CFAP54: variants seen among roughly 807,000 people sequenced by gnomAD.
The protein encoded by CFAP54 is cilia and flagella associated protein 54, also known as cilia- and flagella-associated protein 54.
A neutral mutation model predicts 370.4 loss-of-function variants in CFAP54; 290 were observed. The observed-to-expected ratio is 0.78, with a 90% CI of 0.71 to 0.86. CFAP54 has a LOEUF of 0.86. Ranked by LOEUF, CFAP54 falls within the 40% of genes least tolerant of loss-of-function variation. CFAP54 has a pLI of 0.00. For synonymous variants in CFAP54, 1,206 were observed against 1,236.5 expected (o/e 0.98, Z 0.52); for missense variants, 3,399 against 3,528.7 (o/e 0.96, Z 0.93).
At chr12:96,515,540 T>C (rs1955220932) in intron 5 of CFAP54, among the ~76,000 whole-genome samples, 1 of 152,232 alleles carries the variant, frequency 6.6e-6, no homozygotes, top group Admixed American at 6.5e-5. Context: ...GTCCATTTAA[T>C]GGAGACAAGT....
At chr12:96,623,687 T>A (rs1956524143) in intron 27 of CFAP54, 80 bp from the exon 28 acceptor site, 1 of 688,480 alleles carries the variant, frequency 1.5e-6, no homozygotes, top group Admixed American at 2.8e-5. Context: ...TATGAAAACA[T>A]AATTTAAAGA....
intron 32 of CFAP54, among the ~76,000 whole-genome samples, chr12:96,633,897 C>T (rs1029094290): frequency 9.2e-5 from 14 of 152,038 alleles, no homozygotes; most frequent in Admixed American, 9.2e-4. Flanking sequence ...ACATTCCCAT[C>T]AACAGTATAT....
intron 55 of CFAP54, among the ~76,000 whole-genome samples, chr12:96,751,449 A>G (rs891709444): frequency 2.6e-5 from 4 of 152,136 alleles, no homozygotes; most frequent in African/African-American, 9.7e-5. Flanking sequence ...ATATCATACC[A>G]TATCATGTAT....
chr12:96,515,361 T>G, intron 5 of CFAP54, among the ~76,000 whole-genome samples: 1 of 148,904 alleles, frequency 6.7e-6, no homozygotes, highest in Admixed American at 6.8e-5. Context: ...GGATGGGAGG[T>G]GAGGGATGCA....
chr12:96,818,539 C>T (rs940950575), intron 65 of CFAP54, among the ~76,000 whole-genome samples: 1 of 152,178 alleles, frequency 6.6e-6, no homozygotes, highest in African/African-American at 2.4e-5. Context: ...GATTAGTGAA[C>T]TTGGCTTTAG....
chr12:96,620,673 G>C (rs867527611), intron 26 of CFAP54, among the ~76,000 whole-genome samples: 1 of 152,196 alleles, frequency 6.6e-6, no homozygotes, highest in Non-Finnish European at 1.5e-5. Context: ...ACTCCTAGTT[G>C]CCCTAAGGGG....
intron 9 of CFAP54, among the ~76,000 whole-genome samples, chr12:96,528,670 T>A (rs984738177): frequency 3.3e-5 from 5 of 152,196 alleles, no homozygotes; most frequent in African/African-American, 1.2e-4. Context: ...GTTTGCTTTC[T>A]CTCTTATTTC....
At chr12:96,792,087 T>A (rs1386391437) in intron 62 of CFAP54, among the ~76,000 whole-genome samples, 4 of 152,088 alleles carry the variant, frequency 2.6e-5, no homozygotes, top group African/African-American at 9.7e-5. Flanking sequence ...CCTGACCGTG[T>A]GATCCACCTG....
chr12:96,733,841 C>G (rs1009900063), intron 50 of CFAP54, among the ~76,000 whole-genome samples: 1 of 152,222 alleles, frequency 6.6e-6, no homozygotes, highest in African/African-American at 2.4e-5. Flanking sequence ...AACCTCATAC[C>G]TTGTTTCTCT....
intron 59 of CFAP54, 124 bp from the exon 60 acceptor site, chr12:96,764,953 T>G: frequency 1.5e-6 from 1 of 676,158 alleles, no homozygotes; most frequent in Non-Finnish European, 2.2e-6. Flanking sequence ...TTGTCTTTAT[T>G]TTTTCCTCCA....
chr12:96,704,286 A>G (rs1957521886), intron 46 of CFAP54, among the ~76,000 whole-genome samples: 1 of 150,850 alleles, frequency 6.6e-6, no homozygotes, highest in East Asian at 2.0e-4. Flanking sequence ...ATTTAGCTGG[A>G]CGTGGTGGCG....
chr12:96,536,185 A>G (rs376184710), intron 12 of CFAP54, among the ~76,000 whole-genome samples: 3 of 152,318 alleles, frequency 2.0e-5, no homozygotes, highest in East Asian at 3.9e-4. Context: ...CCTCCTACTT[A>G]TAAGTGAGAA....
At chr12:96,516,781 G>A (rs1592826217) in intron 5 of CFAP54, among the ~76,000 whole-genome samples, 1 of 152,172 alleles carries the variant, frequency 6.6e-6, no homozygotes, top group African/African-American at 2.4e-5. Flanking sequence ...GGCTTGAACA[G>A]TTACTGTCAA....
At chr12:96,503,080 TTCTC>T (rs138111630) in intron 2 of CFAP54, among the ~76,000 whole-genome samples, 6 of 138,004 alleles carry the variant, frequency 4.3e-5, no homozygotes, top group Admixed American at 1.5e-4. Flanking sequence ...CTTTCTTTCT[TTCTC>T]TTTCTTTCTT....
intron 34 of CFAP54, among the ~76,000 whole-genome samples, chr12:96,648,784 T>A (rs547290574): frequency 2.7e-4 from 41 of 152,048 alleles, no homozygotes; most frequent in African/African-American, 9.6e-4. Flanking sequence ...AAGACGGGGT[T>A]TCACTATGTT....
At chr12:96,672,460 A>G (rs1168241290) in intron 39 of CFAP54, among the ~76,000 whole-genome samples, 1 of 152,192 alleles carries the variant, frequency 6.6e-6, no homozygotes, top group Non-Finnish European at 1.5e-5. Context: ...TTCAGAAGGA[A>G]TGAAAGAGTG....
At chr12:96,676,589 A>G (rs187651895) in intron 39 of CFAP54, among the ~76,000 whole-genome samples, 61 of 152,302 alleles carry the variant, frequency 4.0e-4, no homozygotes, top group African/African-American at 1.3e-3. Context: ...TCCGTCGCTC[A>G]GGCTGGAGTG....
At chr12:96,869,981 A>G (rs1960113816) in intron 67 of CFAP54, among the ~76,000 whole-genome samples, 1 of 149,980 alleles carries the variant, frequency 6.7e-6, no homozygotes, top group Non-Finnish European at 1.5e-5. Context: ...TATTACATTT[A>G]GGCCGGGCAT....
chr12:96,558,182 A>G (rs1955775007), intron 17 of CFAP54, among the ~76,000 whole-genome samples: 3 of 152,190 alleles, frequency 2.0e-5, no homozygotes, highest in African/African-American at 7.2e-5. Flanking sequence ...CATACATGAT[A>G]AATATATTTT....
Sources: allele counts gnomAD v4.1 joint callset (sites outside exome capture counted in the v4.1 genomes callset), GRCh38; gene constraint gnomAD v4.1.1; transcripts MANE v1.5; gene names NCBI Gene and HGNC (gene_info 2026-07-23, HGNC 2026-07-21).